Variants in PSTPIP1 observed in about 807,000 individuals in gnomAD.
PSTPIP1 encodes proline-serine-threonine phosphatase interacting protein 1.
Under a neutral mutation model 69.6 loss-of-function variants are expected in PSTPIP1, and 66 were observed. The ratio of observed to expected loss-of-function variants is 0.95; its 90% CI spans 0.78 to 1.16. The LOEUF is 1.16. Ranked by LOEUF, PSTPIP1 falls within the 50% of genes most tolerant of loss-of-function variation. The pLI is 0.00. For synonymous variants in PSTPIP1, 266 were observed against 222.7 expected (o/e 1.19, Z -1.73); for missense variants, 603 against 557.4 (o/e 1.08, Z -0.82).
In PSTPIP1 at chr15:76,995,375, A is replaced by G; in HGVS notation, c.-199A>G. ...TTTGCTGCTGATTCTAGCCCCAAAC[A>G]AAACAGGTTGAGCTTTTTCCTCCCC... On this transcript the variant is annotated 5_prime_UTR_variant, in exon 1 of 15. Transcript: ENST00000558012. The G allele has an allele frequency of 6.9e-7, 1 of 1,438,984 alleles. No homozygotes were observed. Among genetic ancestry groups the G allele is most frequent in the Non-Finnish European group, 9.1e-7 (1 of 1,100,764 alleles). The allele number at this position is 1,438,984 out of a possible 1,614,324, so 89.1% of individuals were successfully genotyped here. A position where few individuals can be genotyped will look rare whatever the true frequency, so the allele number is the denominator to read the frequency against.
chr15:77,020,994 C>A (rs1349106276), intron 3 of PSTPIP1, among the ~76,000 whole-genome samples: 1 of 152,200 alleles, frequency 6.6e-6, no homozygotes, highest in Non-Finnish European at 1.5e-5. Flanking sequence ...CTGAGGCCCA[C>A]AGCTGCCCCC....
chr15:77,035,138 T>G (rs1350740157), intron 12 of PSTPIP1, among the ~76,000 whole-genome samples: 2 of 152,182 alleles, frequency 1.3e-5, no homozygotes, highest in East Asian at 3.9e-4. Context: ...ACTGGGCATC[T>G]TCCCACGAGG....
intron 3 of PSTPIP1, among the ~76,000 whole-genome samples, chr15:77,020,830 C>T (rs1248344298): frequency 6.7e-6 from 1 of 149,998 alleles, no homozygotes; most frequent in Non-Finnish European, 1.5e-5. Flanking sequence ...GAAGTGTGAG[C>T]AGTGGCCGTG....
intron 3 of PSTPIP1, among the ~76,000 whole-genome samples, chr15:77,021,203 G>A (rs1430815381): frequency 5.3e-5 from 8 of 152,180 alleles, no homozygotes; most frequent in Admixed American, 6.5e-5. Flanking sequence ...CAAACCAGCC[G>A]GGAGCCACCC....
At chr15:77,028,002 G>T in intron 6 of PSTPIP1, 88 bp downstream of exon 6, 1 of 1,254,168 alleles carries the variant, frequency 8.0e-7, no homozygotes, top group Non-Finnish European at 1.1e-6. Context: ...CCCGGGCAGG[G>T]CATTTGGAAC....
chr15:77,033,073 C>G, intron 12 of PSTPIP1, 121 bp downstream of exon 12: 1 of 1,009,400 alleles, frequency 9.9e-7, no homozygotes, highest in East Asian at 2.7e-5. Flanking sequence ...TATCTGGTGC[C>G]CAGTTTAGGT....
In PSTPIP1 at chr15:77,013,089, C is replaced by A. The variant is rs1028446767; in HGVS notation, c.37-5059C>A. On this transcript the variant is annotated intron_variant, in intron 1 of 14. Transcript: ENST00000558012. ...GCTAGCAAACCCACAGTGTCAGCCA[C>A]ACTGGCTGCAGATGTCACTGCTGGT... is the stretch of plus-strand genomic sequence containing the variant. Among the ~76,000 whole-genome samples, 8 of 152,220 alleles carry A rather than the reference C, an allele frequency of 5.3e-5. No individual in the cohort carries two copies. The South Asian group carries it at 1.0e-3, about 20-fold the overall frequency.
chr15:77,025,210 C>T (rs1250500541), intron 3 of PSTPIP1, 74 bp from the exon 4 acceptor site: 13 of 1,501,716 alleles, frequency 8.7e-6, no homozygotes, highest in Admixed American at 6.7e-5. Context: ...CTGCCCACCC[C>T]GCCGGGAGGC....
At chr15:77,015,941 C>A (rs767515719) in intron 1 of PSTPIP1, 1 of 456,066 alleles carries the variant, frequency 2.2e-6, no homozygotes, top group African/African-American at 2.0e-5. Flanking sequence ...TTGAGCACGG[C>A]GGTCACAGCC....
At chr15:77,023,855 A>T (rs533441947) in intron 3 of PSTPIP1, among the ~76,000 whole-genome samples, 2 of 151,898 alleles carry the variant, frequency 1.3e-5, no homozygotes, top group African/African-American at 4.8e-5. Context: ...AATGAGTGGG[A>T]CTGAGCTGAG....
chr15:77,029,653 G>T (rs1555680537), intron 8 of PSTPIP1, 79 bp downstream of exon 8: 9 of 1,419,072 alleles, frequency 6.3e-6, no homozygotes, highest in Non-Finnish European at 8.7e-6. Flanking sequence ...TCACCCTGGG[G>T]ACACACACAC....
chr15:77,011,401 G>C (rs2075931954), intron 1 of PSTPIP1, among the ~76,000 whole-genome samples: 1 of 152,228 alleles, frequency 6.6e-6, no homozygotes, highest in Non-Finnish European at 1.5e-5. Context: ...GCATCTCTGG[G>C]ACTCGGCCAG....
Position 77,006,360 on chromosome 15 carries a change from C to T in PSTPIP1, c.36+10751C>T, listed in dbSNP as rs548225976. On this transcript the variant is annotated intron_variant, in intron 1 of 14. Coordinates refer to ENST00000558012, the MANE Select transcript of PSTPIP1 (RefSeq NM_003978.5). ...AGGAGTTCTTTATATTTTCTAGATA[C>T]TCATCCTTTATCAGATATATGATTT... Among the ~76,000 whole-genome samples the T allele has an allele frequency of 5.9e-5, 9 of 152,278 alleles. No individual in the cohort carries two copies. The South Asian group carries it at 1.7e-3, about 28-fold the overall frequency.
At chr15:77,012,898 G>A (rs1014643742) in intron 1 of PSTPIP1, among the ~76,000 whole-genome samples, 1 of 152,158 alleles carries the variant, frequency 6.6e-6, no homozygotes, top group Non-Finnish European at 1.5e-5. Flanking sequence ...TCACTGAGGC[G>A]CTTCTCCAGC....
At chr15:77,007,253 G>A (rs990394593) in intron 1 of PSTPIP1, among the ~76,000 whole-genome samples, 1 of 152,158 alleles carries the variant, frequency 6.6e-6, no homozygotes, top group Non-Finnish European at 1.5e-5. Context: ...TTCCTCAGTG[G>A]ATCAAGATAA....
chr15:77,025,151 G>T, intron 3 of PSTPIP1, 133 bp from the exon 4 acceptor site: 3 of 983,290 alleles, frequency 3.1e-6, no homozygotes, highest in Non-Finnish European at 4.7e-6. Flanking sequence ...AGGGTCCCTT[G>T]GTTCTAGAGT....
At chr15:77,005,679 CT>C (rs1230492756) in intron 1 of PSTPIP1, among the ~76,000 whole-genome samples, 13 of 152,224 alleles carry the variant, frequency 8.5e-5, no homozygotes, top group Admixed American at 1.3e-4. Context: ...TACCTCGATT[CT>C]ACTTTCTAGC....
chr15:77,026,486 C>T (rs1313921720), intron 5 of PSTPIP1, among the ~76,000 whole-genome samples: 1 of 152,242 alleles, frequency 6.6e-6, no homozygotes, highest in Non-Finnish European at 1.5e-5. Flanking sequence ...CCAGGCTAGG[C>T]CTGGGTGTCC....
Position 77,031,409 on chromosome 15 carries a change from C to A in PSTPIP1, c.741+131C>A. The A allele has an allele frequency of 6.3e-6, 6 of 945,896 alleles. No homozygotes were observed. The South Asian group carries it at 7.1e-5, about 11-fold the overall frequency. 58.6% of individuals were successfully genotyped at this position (945,896 alleles called of 1,614,324 possible). On this transcript the variant is annotated intron_variant, in intron 10 of 14. Transcript: ENST00000558012. The stretch of plus-strand genomic sequence containing the variant: ...CAAGCCTGGCCCCAGGGGTCTCAGG[C>A]CTCAGCAGCTCAGCCTTTGCCCCCA...
Sources: allele counts gnomAD v4.1 joint callset (sites outside exome capture counted in the v4.1 genomes callset), GRCh38; gene constraint gnomAD v4.1.1; transcripts MANE v1.5; gene names NCBI Gene and HGNC (gene_info 2026-07-23, HGNC 2026-07-21).